The following MEI1 variants were observed in gnomAD, a reference collection of about 807,000 sequenced individuals.
The protein encoded by MEI1 is meiosis inhibitor protein 1.
Under a neutral mutation model 146.2 loss-of-function variants are expected in MEI1, and 103 were observed. The observed-to-expected ratio is 0.70, with a 90% confidence interval of 0.60 to 0.83. The LOEUF (loss-of-function observed/expected upper bound fraction) is 0.83. Ranked by LOEUF, MEI1 falls within the 40% of genes least tolerant of loss-of-function variation. The probability of loss-of-function intolerance (pLI) is 0.00; values close to 1 mark genes in which losing one functional copy is unlikely to be tolerated. For missense variants in MEI1, 1,529 were observed against 1,533.0 expected (o/e 1.00, Z 0.04); for synonymous variants, 652 against 628.2 (o/e 1.04, Z -0.57).
At chr22:41,799,022 C>T (rs938094166) in intron 30 of MEI1, among the ~76,000 whole-genome samples, 3 of 152,168 alleles carry the variant, frequency 2.0e-5, no homozygotes, top group Non-Finnish European at 4.4e-5. Flanking sequence ...CTCTGCACCC[C>T]TCTGGCTGCC....
chr22:41,795,832 C>G lies in MEI1; in HGVS notation c.3764C>G (p.Pro1255Arg). The change falls in exon 30 of 31, where the codon CCC (proline) becomes CGC (arginine). Residue 1255 changes from proline (P) to arginine (R), a missense_variant. Pro to Arg is a moderately radical substitution (Grantham distance 103). Transcript: ENST00000401548. This position sits in a 1 kb window ranked among gnomAD's most constrained non-coding sequence, Gnocchi z 4.2. ...CCTAGCACCTCCTCAGGCCAGCCAC[C>G]CCTGCAGGACATGCTGTATCCTTTC... is the stretch of plus-strand genomic sequence containing the variant. The part of the protein sequence containing the change: ...LPPSTSSGQP[P>R]LQDMLCLGGV... 6.2e-7 allele frequency: 1 copy of G among 1,613,576 alleles called. No homozygotes were observed. Among genetic ancestry groups the G allele is most frequent in the East Asian group, 2.2e-5 (1 of 44,814 alleles).
At chr22:41,761,383 C>T (rs1328881185) in intron 18 of MEI1, among the ~76,000 whole-genome samples, 2 of 149,474 alleles carry the variant, frequency 1.3e-5, no homozygotes, top group Non-Finnish European at 3.0e-5. Flanking sequence ...GGCCCAATCT[C>T]GGCTCACTGC....
At position 41,795,348 on chromosome 22, in the gene MEI1, G is replaced by A; in HGVS notation, c.3535-63G>A. 6.3e-7 allele frequency: 1 copy of A among 1,596,758 alleles called. No individual in the cohort carries two copies. The highest frequency in any genetic ancestry group is 8.6e-7 in the Non-Finnish European group (1 of 1,169,472). On this transcript the variant is annotated intron_variant, in intron 28 of 30. Coordinates refer to ENST00000401548, the MANE Select transcript of MEI1 (RefSeq NM_152513.4). The surrounding 1 kb of genome is among the most constrained non-coding windows in gnomAD (Gnocchi z 4.2). ...TGTCTCCTAAAGTTGGGGCACAGCA[G>A]TTGTCTATGATGAAGGAGATGCCAA...
intron 20 of MEI1, among the ~76,000 whole-genome samples, chr22:41,773,166 T>C (rs1032287972): frequency 3.9e-5 from 6 of 152,188 alleles, no homozygotes; most frequent in African/African-American, 1.4e-4. Flanking sequence ...TGCACCATCC[T>C]TATCACCTCT....
At chr22:41,783,116 T>C (rs1346398010) in intron 24 of MEI1, among the ~76,000 whole-genome samples, 2 of 152,196 alleles carry the variant, frequency 1.3e-5, no homozygotes, top group East Asian at 1.9e-4. Context: ...GCATTTGTGC[T>C]TCTCCCAGTC....
rs756747805 is a variant in MEI1, at chr22:41,718,174, A to C, written c.633A>C (p.Ala211=). The change falls in exon 6 of 31, where the codon GCA becomes GCC. Residue 211 remains alanine, a synonymous_variant. Coordinates refer to ENST00000401548, the MANE Select transcript of MEI1 (RefSeq NM_152513.4). ...GGAAGCTATACTCCTCACCAGTGGC[A>C]GCTGAGATGCTTTCAGGACACTTCC... ...LYGKLYSSPV[A]AEMLSGHFRE... 2 of 1,613,860 alleles carry C rather than the reference A, an allele frequency of 1.2e-6. No individual in the cohort carries two copies. The highest frequency in any genetic ancestry group is 1.3e-5 in the African/African-American group (1 of 74,928).
intron 2 of MEI1, among the ~76,000 whole-genome samples, chr22:41,704,574 C>T (rs779816798): frequency 3.3e-5 from 5 of 151,722 alleles, no homozygotes; most frequent in Admixed American, 2.0e-4. Context: ...CCACCATGCC[C>T]GGCCAATTTT....
At chr22:41,796,691 C>G (rs1435811486) in intron 30 of MEI1, among the ~76,000 whole-genome samples, 1 of 152,148 alleles carries the variant, frequency 6.6e-6, no homozygotes, top group Admixed American at 6.5e-5. Flanking sequence ...GTAGCCAAAA[C>G]TTTGTTTCAT....
chr22:41,763,346 CT>C, intron 19 of MEI1, 25 bp downstream of exon 19: 1 of 1,611,474 alleles, frequency 6.2e-7, no homozygotes, highest in Non-Finnish European at 8.5e-7. Context: ...GCCTGGGCTC[CT>C]TGTCCTTCTG....
At chr22:41,785,974 G>T (rs905557239) in intron 26 of MEI1, among the ~76,000 whole-genome samples, 5 of 133,820 alleles carry the variant, frequency 3.7e-5, no homozygotes, top group Non-Finnish European at 7.9e-5. Flanking sequence ...GCAGTGGCGC[G>T]ATCTCGGCTC....
chr22:41,735,357 C>T (rs1422970727), intron 11 of MEI1, among the ~76,000 whole-genome samples: 1 of 150,726 alleles, frequency 6.6e-6, no homozygotes, highest in African/African-American at 2.4e-5. Flanking sequence ...GCCACAGCCT[C>T]CCGAGTAGCT....
chr22:41,730,736 G>A, intron 9 of MEI1, 99 bp downstream of exon 9: 1 of 740,588 alleles, frequency 1.4e-6, no homozygotes, highest in Non-Finnish European at 2.5e-6. Context: ...CCACCTTGGA[G>A]GGGAGCACTG....
chr22:41,783,223 T>C (rs569599934), intron 24 of MEI1, among the ~76,000 whole-genome samples: 2 of 152,142 alleles, frequency 1.3e-5, no homozygotes, highest in South Asian at 4.1e-4. Context: ...TATAGAAAAA[T>C]GGTGCAGGTA....
intron 2 of MEI1, among the ~76,000 whole-genome samples, chr22:41,704,269 C>T (rs992034824): frequency 6.6e-6 from 1 of 152,114 alleles, no homozygotes; most frequent in Non-Finnish European, 1.5e-5. Context: ...ACTGCCAAGA[C>T]AATTTTTAAG....
chr22:41,727,740 G>T (rs146917475), intron 7 of MEI1, among the ~76,000 whole-genome samples: 4 of 152,260 alleles, frequency 2.6e-5, no homozygotes, highest in South Asian at 2.1e-4. Flanking sequence ...TGCATGGGGC[G>T]AAGTCTGGTG....
intron 16 of MEI1, 131 bp downstream of exon 16, chr22:41,752,782 T>G: frequency 1.3e-6 from 1 of 785,982 alleles, no homozygotes; most frequent in East Asian, 2.7e-5. Flanking sequence ...TCAGCATTGC[T>G]CAGCATCTGG....
At chr22:41,711,407 A>G (rs189913629) in intron 3 of MEI1, among the ~76,000 whole-genome samples, 180 of 152,216 alleles carry the variant, frequency 1.2e-3, no homozygotes, top group South Asian at 2.1e-3. Context: ...TCTTGACCTC[A>G]TGATCCGTTC....
intron 15 of MEI1, among the ~76,000 whole-genome samples, chr22:41,750,551 G>C (rs2073679491): frequency 6.6e-6 from 1 of 152,094 alleles, no homozygotes; most frequent in South Asian, 2.1e-4. Flanking sequence ...TAACAAGTTT[G>C]GTGTGTGGGG....
At chr22:41,761,143 C>A (rs971374886) in intron 18 of MEI1, among the ~76,000 whole-genome samples, 9 of 151,980 alleles carry the variant, frequency 5.9e-5, no homozygotes, top group African/African-American at 1.7e-4. Context: ...GAAACCCAGT[C>A]TCTACTAAAA....
Sources: gnomAD v4.1 joint callset for allele counts (sites outside exome capture counted in the v4.1 genomes callset) on GRCh38, gnomAD v4.1.1 for gene constraint, Gnocchi (gnomAD v3.1) non-coding constraint, MANE v1.5 for transcripts, NCBI Gene and HGNC (gene_info 2026-07-23, HGNC 2026-07-21) for gene names.